Variants in OCM observed in about 807,000 individuals in gnomAD.
The protein encoded by OCM is oncomodulin-1.
OCM carries 18 observed loss-of-function variants against 14.1 expected under a neutral mutation model. That is an observed-to-expected ratio of 1.28 (90% confidence interval 0.88 to 1.89). OCM has a LOEUF of 1.89. OCM is among the 40% of genes most tolerant of loss of function. OCM has a pLI of 0.00. For missense variants in OCM, 140 were observed against 137.6 expected (o/e 1.02, Z -0.09); for synonymous variants, 48 against 51.0 (o/e 0.94, Z 0.25).
At chr7:5,872,798 CTGACCTTCTCTCCACTATTATCCTA>C in the OCM span, among the ~76,000 whole-genome samples, 1 of 152,126 alleles carries the variant, frequency 6.6e-6, no homozygotes, top group Non-Finnish European at 1.5e-5. Flanking sequence ...TGTTTATCTG[CTGACCTTCTCTCCACTATTATCCTA>C]TGACCCTGCC....
chr7:5,884,701 G>A (rs572207025), intron 3 of OCM, among the ~76,000 whole-genome samples: 14 of 132,402 alleles, frequency 1.1e-4, no homozygotes, highest in East Asian at 4.8e-4. Context: ...AAACTGCTAC[G>A]TTAGATGCTT....
At chr7:5,876,324 A>T (rs1781095315), upstream of OCM, among the ~76,000 whole-genome samples, 1 of 151,656 alleles carries the variant, frequency 6.6e-6, no homozygotes, top group Non-Finnish European at 1.5e-5. Flanking sequence ...TATGATTATT[A>T]TTTTTTTGTA....
chr7:5,880,800 G>A lies in OCM; in HGVS notation c.-90G>A. On this transcript the variant is annotated 5_prime_UTR_variant, in exon 1 of 4. In the 5' UTR this introduces an upstream ATG that the reference lacks. Coordinates refer to ENST00000242104, the MANE Select transcript of OCM (RefSeq NM_001097622.2). ...TAATCTAGACACACATACAGTTTCA[G>A]TGGGCCTGGGAAGATGTGTTTCCCC... 8.2e-7 allele frequency: 1 copy of A among 1,218,796 alleles called. No individual in the cohort carries two copies. The highest frequency in any genetic ancestry group is 1.2e-6 in the Non-Finnish European group (1 of 834,086). The allele number at this position is 1,218,796 out of a possible 1,614,324, so 75.5% of individuals were successfully genotyped here. A position where few individuals can be genotyped will look rare whatever the true frequency, so the allele number is the denominator to read the frequency against.
chr7:5,875,248 C>T (rs922791521), upstream of OCM, among the ~76,000 whole-genome samples: 23 of 151,570 alleles, frequency 1.5e-4, no homozygotes, highest in Non-Finnish European at 2.9e-4. Context: ...GTAGAGACAG[C>T]GTTTCGCCAC....
the OCM span, among the ~76,000 whole-genome samples, chr7:5,860,552 C>T: frequency 3.0e-5 from 3 of 101,692 alleles, 1 homozygote; most frequent in African/African-American, 7.9e-5. Context: ...CGTATATATA[C>T]GTGTATATAT....
the OCM span, among the ~76,000 whole-genome samples, chr7:5,874,249 A>G: frequency 1.2e-3 from 178 of 150,370 alleles, no homozygotes; most frequent in South Asian, 2.1e-3. Flanking sequence ...AAAAAAAAAA[A>G]AAAAGATCTA....
At chr7:5,863,937 G>A in the OCM span, among the ~76,000 whole-genome samples, 5 of 152,164 alleles carry the variant, frequency 3.3e-5, no homozygotes, top group East Asian at 5.8e-4. Context: ...TCCTCTGGTC[G>A]TTAGTATTTT....
chr7:5,866,731 T>C, the OCM span, among the ~76,000 whole-genome samples: 87 of 152,290 alleles, frequency 5.7e-4, no homozygotes, highest in Admixed American at 5.7e-3. Flanking sequence ...TGGATACATA[T>C]TGTGTCAATT....
the OCM span, among the ~76,000 whole-genome samples, chr7:5,859,973 C>G: frequency 6.6e-6 from 1 of 152,090 alleles, no homozygotes; most frequent in Non-Finnish European, 1.5e-5. Context: ...GAGGTGTGAG[C>G]CACCGCGCCC....
At chr7:5,864,081 T>G in the OCM span, among the ~76,000 whole-genome samples, 1 of 152,058 alleles carries the variant, frequency 6.6e-6, no homozygotes, top group Non-Finnish European at 1.5e-5. Flanking sequence ...GGCTCACACC[T>G]GAAATCCCGG....
At chr7:5,884,112 C>T (rs1781285577) in intron 3 of OCM, 113 bp downstream of exon 3, 3 of 1,105,732 alleles carry the variant, frequency 2.7e-6, no homozygotes, top group South Asian at 3.4e-5. Context: ...CTTAAACTTA[C>T]CGAGCCTCAG....
chr7:5,872,316 C>T, the OCM span, among the ~76,000 whole-genome samples: 10 of 152,176 alleles, frequency 6.6e-5, no homozygotes, highest in African/African-American at 4.8e-5. Flanking sequence ...AGACACTTCA[C>T]GGTCTTCATT....
the OCM span, among the ~76,000 whole-genome samples, chr7:5,873,045 A>C: frequency 3.9e-5 from 6 of 152,080 alleles, no homozygotes; most frequent in South Asian, 4.2e-4. Flanking sequence ...TCCAGCTTGC[A>C]TGACAGAGCC....
chr7:5,878,956 G>C (rs1467985627), upstream of OCM, among the ~76,000 whole-genome samples: 2 of 150,154 alleles, frequency 1.3e-5, no homozygotes, highest in African/African-American at 4.9e-5. Context: ...TGAGGTGGGA[G>C]AATTACTTGA....
At chr7:5,863,649 C>T in the OCM span, among the ~76,000 whole-genome samples, 1 of 151,730 alleles carries the variant, frequency 6.6e-6, no homozygotes, top group Non-Finnish European at 1.5e-5. Context: ...TCTCCTGCAT[C>T]AGCCTTCCAG....
the OCM span, among the ~76,000 whole-genome samples, chr7:5,863,828 G>A: frequency 3.3e-5 from 5 of 152,222 alleles, no homozygotes; most frequent in East Asian, 5.8e-4. Context: ...CACTGTACCC[G>A]GCCTGATGGT....
chr7:5,870,221 C>T, the OCM span, among the ~76,000 whole-genome samples: 7 of 152,070 alleles, frequency 4.6e-5, no homozygotes, highest in African/African-American at 1.4e-4. Context: ...ATCCATCCTC[C>T]CACCTCAGGC....
chr7:5,876,166 G>T (rs747635894), upstream of OCM, among the ~76,000 whole-genome samples: 1 of 152,138 alleles, frequency 6.6e-6, no homozygotes, highest in African/African-American at 2.4e-5. Flanking sequence ...CCACCACGCC[G>T]GGTTAATTTT....
At chr7:5,868,143 G>C in the OCM span, among the ~76,000 whole-genome samples, 2 of 151,852 alleles carry the variant, frequency 1.3e-5, no homozygotes, top group African/African-American at 2.4e-5. Flanking sequence ...ACTGTGTTTT[G>C]TTGTCGCTAT....
Sources: gnomAD v4.1 joint callset for allele counts (sites outside exome capture counted in the v4.1 genomes callset) on GRCh38, gnomAD v4.1.1 for gene constraint, MANE v1.5 for transcripts, NCBI Gene and HGNC (gene_info 2026-07-23, HGNC 2026-07-21) for gene names.